GBGT1: variants seen among roughly 807,000 people sequenced by gnomAD.
The protein encoded by GBGT1 is globoside alpha-1,3-N-acetylgalactosaminyltransferase 1.
In GBGT1, 18 loss-of-function variants were observed where a neutral mutation model predicts 20.9. The observed-to-expected ratio is 0.86, with a 90% CI of 0.60 to 1.28. GBGT1 has a LOEUF of 1.28. Ranked by LOEUF, GBGT1 falls within the 50% of genes most tolerant of loss-of-function variation. The probability of loss-of-function intolerance (pLI) is 0.00; values close to 1 mark genes in which losing one functional copy is unlikely to be tolerated. For missense variants in GBGT1, 432 were observed against 455.7 expected (o/e 0.95, Z 0.47); for synonymous variants, 168 against 180.8 (o/e 0.93, Z 0.57).
intron 3 of GBGT1, chr9:133,160,354 A>G (rs1833002829): frequency 6.6e-6 from 1 of 151,994 alleles, no homozygotes; most frequent in East Asian, 1.9e-4. Context: ...CCCTCTCCCA[A>G]TCAGCAAGGT....
intron 3 of GBGT1, among the ~76,000 whole-genome samples, chr9:133,160,555 C>G (rs1371515229): frequency 1.3e-5 from 2 of 152,074 alleles, no homozygotes; most frequent in African/African-American, 4.8e-5. Context: ...GGGAACATAT[C>G]TGAACAAAAT....
intron 5 of GBGT1, 35 bp downstream of exon 5, chr9:133,155,866 C>T (rs1249191713): frequency 6.2e-7 from 1 of 1,610,346 alleles, no homozygotes; most frequent in Non-Finnish European, 8.5e-7. Context: ...TTGTCCTTTT[C>T]CCCCGCCCCC....
intron 3 of GBGT1, 78 bp from the exon 4 acceptor site, chr9:133,156,143 A>G: frequency 6.5e-7 from 1 of 1,542,908 alleles, no homozygotes; most frequent in Non-Finnish European, 8.8e-7. Flanking sequence ...AGGAGGAGTC[A>G]GAGGCCCCTG....
At position 133,154,064 on chromosome 9, in the gene GBGT1, G is replaced by T; in HGVS notation, c.557C>A (p.Thr186Asn). The stretch of plus-strand genomic sequence containing the variant: ...CCTCTTAGCAATGTGCTGGCTGATG[G>T]TCTCCATCCGGCGCATGGATGTCTC... ...WEETSMRRMETISQHIAKRAH... is the reference protein window; with the variant it reads ...WEETSMRRMENISQHIAKRAH... The change falls in exon 7 of 7, where the codon ACC becomes AAC. Residue 186 changes from threonine to asparagine, a missense_variant. Coordinates refer to ENST00000372040, the MANE Select transcript of GBGT1 (RefSeq NM_021996.6). This position sits in a 1 kb window ranked among gnomAD's most constrained non-coding sequence, Gnocchi z 4.2. 6.2e-7 allele frequency: 1 copy of T among 1,613,536 alleles called. No homozygotes were observed. The highest frequency in any genetic ancestry group is 8.5e-7 in the Non-Finnish European group (1 of 1,179,964).
At chr9:133,161,123 T>C in intron 3 of GBGT1, 1 of 400,480 alleles carries the variant, frequency 2.5e-6, no homozygotes, top group Non-Finnish European at 4.4e-6. Context: ...CTAAAAGCAC[T>C]GAACACAACC....
intron 2 of GBGT1, among the ~76,000 whole-genome samples, chr9:133,161,962 A>C (rs1416310925): frequency 1.3e-5 from 2 of 152,160 alleles, no homozygotes; most frequent in African/African-American, 4.8e-5. Context: ...TACAAGGCAG[A>C]ATTCAGAAGC....
At chr9:133,159,981 G>A (rs1832986025) in intron 3 of GBGT1, 1 of 152,408 alleles carries the variant, frequency 6.6e-6, no homozygotes, top group African/African-American at 2.5e-5. Context: ...AGTCTCACTA[G>A]TAATAATAAA....
chr9:133,155,755 A>T, intron 5 of GBGT1, 146 bp downstream of exon 5: 1 of 842,112 alleles, frequency 1.2e-6, no homozygotes, highest in Non-Finnish European at 1.9e-6. Flanking sequence ...CAGGTCCCTG[A>T]CTCCCAGCCC....
chr9:133,159,152 G>T (rs1390641232), intron 3 of GBGT1, among the ~76,000 whole-genome samples: 1 of 151,920 alleles, frequency 6.6e-6, no homozygotes, highest in Non-Finnish European at 1.5e-5. Context: ...TTAGAGATGG[G>T]GTTTCATCAT....
At position 133,153,766 on chromosome 9, in the gene GBGT1, C is replaced by T. The variant is rs375199786; in HGVS notation, c.855G>A (p.Ala285=). 3.8e-5 allele frequency: 61 copies of T among 1,610,130 alleles called. No individual in the cohort carries two copies. The highest frequency in any genetic ancestry group is 1.1e-4 in the South Asian group (10 of 90,390). ...CAGCCATGATGCCATTGGCCTTGTCCGCCAGGATGGCCATGTGGCAGCCCC... is the reference window on the plus strand; with the variant it reads ...CAGCCATGATGCCATTGGCCTTGTCTGCCAGGATGGCCATGTGGCAGCCCC... ...FTRGCHMAIL[A]DKANGIMAAW... is the part of the protein sequence containing the mutation. The change falls in exon 7 of 7, where the codon GCG becomes GCA. Residue 285 remains alanine, a synonymous_variant. Coordinates refer to ENST00000372040, the MANE Select transcript of GBGT1 (RefSeq NM_021996.6).
intron 3 of GBGT1, among the ~76,000 whole-genome samples, chr9:133,157,287 CAAAAA>C (rs71503325): frequency 3.9e-5 from 3 of 77,896 alleles, no homozygotes; most frequent in African/African-American, 4.7e-5. Flanking sequence ...GACCCTGTCT[CAAAAA>C]AAAAAAAAAA....
chr9:133,155,414 C>T, intron 5 of GBGT1, 102 bp from the exon 6 acceptor site: 1 of 1,396,798 alleles, frequency 7.2e-7, no homozygotes, highest in Middle Eastern at 2.4e-4. Context: ...GCAGCTTCGT[C>T]CCCATCTCTG....
rs1470354888 is a variant in GBGT1, at chr9:133,154,137, G to A, written c.484C>T (p.His162Tyr). 1.9e-6 allele frequency: 3 copies of A among 1,603,774 alleles called. No individual in the cohort carries two copies. The highest frequency in any genetic ancestry group is 2.6e-6 in the Non-Finnish European group (3 of 1,172,146). ...AAVPGVPLGPHRLLSSIPIQG... is the reference protein window; with the variant it reads ...AAVPGVPLGPYRLLSSIPIQG... ...ATGGGGATGGAGCTGAGAAGCCGGT[G>A]GGGACCCAGCGGGACCCCGGGAACG... The change falls in exon 7 of 7, where the codon CAC (histidine) becomes TAC (tyrosine). Residue 162 changes from histidine (H) to tyrosine (Y), a missense_variant. By Grantham distance (83) the His-to-Tyr change is moderately conservative. Transcript: ENST00000372040. This position sits in a 1 kb window ranked among gnomAD's most constrained non-coding sequence, Gnocchi z 4.2.
intron 3 of GBGT1, among the ~76,000 whole-genome samples, chr9:133,159,846 A>G (rs1219518826): frequency 4.6e-5 from 7 of 152,240 alleles, no homozygotes; most frequent in Non-Finnish European, 8.8e-5. Flanking sequence ...GAAAAAAAAA[A>G]GTTGTAGGTA....
In GBGT1 at chr9:133,154,385, C is replaced by T. The variant is rs1459003457; in HGVS notation, c.360-124G>A. Reference sequence around the variant, plus strand: ...CCCCATCTCAAGATGTCACTCTGCTCTGGCCCTCTGGGTCCTCATTTGTCC... The same window carrying T: ...CCCCATCTCAAGATGTCACTCTGCTTTGGCCCTCTGGGTCCTCATTTGTCC... On this transcript the variant is annotated intron_variant, in intron 6 of 6. Transcript: ENST00000372040. The surrounding 1 kb of genome is among the most constrained non-coding windows in gnomAD (Gnocchi z 4.2). The T allele has an allele frequency of 3.6e-6, 2 of 549,308 alleles. No individual in the cohort carries two copies. Among genetic ancestry groups the T allele is most frequent in the East Asian group, 5.8e-5 (2 of 34,570 alleles). 34.0% of individuals were successfully genotyped at this position (549,308 alleles called of 1,614,324 possible).
At chr9:133,155,959 A>G (rs2073927) in intron 4 of GBGT1, 23 bp from the exon 5 acceptor site, 813,742 of 1,612,944 alleles carry the variant, frequency 0.5, 209,501 homozygotes, top group African/African-American at 0.75. Flanking sequence ...AGGACCAGTG[A>G]TGGAGGAGAG....
At position 133,163,884 on chromosome 9, in the gene GBGT1, G is replaced by A. The variant is rs1432261862; in HGVS notation, c.-251C>T. On this transcript the variant is annotated 5_prime_UTR_variant, in exon 1 of 7. Transcript: ENST00000372040. The stretch of plus-strand genomic sequence containing the variant: ...GCAGGTGGAGCCTGGAGCAGGGCAG[G>A]CAGCGGGGCCGCGGGCCAGACAGAA... The A allele has an allele frequency of 1.3e-5, 2 of 152,568 alleles. No homozygotes were observed. Among genetic ancestry groups the A allele is most frequent in the Admixed American group, 1.3e-4 (2 of 15,294 alleles). 9.5% of individuals were successfully genotyped at this position (152,568 alleles called of 1,614,324 possible).
Position 133,155,109 on chromosome 9 carries a change from G to A in GBGT1, c.359+69C>T, listed in dbSNP as rs34111804. 782 of 1,450,780 alleles carry A rather than the reference G, an allele frequency of 5.4e-4. 1 individual carries two copies. In the African/African-American group the frequency reaches 8.5e-3, roughly 16 times the overall value. 89.9% of individuals were successfully genotyped at this position (1,450,780 alleles called of 1,614,324 possible). On this transcript the variant is annotated intron_variant, in intron 6 of 6. Coordinates refer to ENST00000372040, the MANE Select transcript of GBGT1 (RefSeq NM_021996.6). The stretch of plus-strand genomic sequence containing the variant: ...GGGTCCTGTGTGCACGTCTGGTCTG[G>A]TCTCTTCCCAACTATAAACTCCTGT...
Position 133,155,067 on chromosome 9 carries a change from C to T in GBGT1, c.359+111G>A, listed in dbSNP as rs528676328. ...ATCTGCTTGGCACCTGGTTCCGAGCCTCCCGGGTGCCCAGCAGGGTCCTGT... is the reference window on the plus strand; with the variant it reads ...ATCTGCTTGGCACCTGGTTCCGAGCTTCCCGGGTGCCCAGCAGGGTCCTGT... On this transcript the variant is annotated intron_variant, in intron 6 of 6. Coordinates refer to ENST00000372040, the MANE Select transcript of GBGT1 (RefSeq NM_021996.6). 4.1e-6 allele frequency: 4 copies of T among 967,112 alleles called. No homozygotes were observed. In the South Asian group the frequency reaches 6.0e-5, roughly 15 times the overall value. The allele number at this position is 967,112 out of a possible 1,614,324, so 59.9% of individuals were successfully genotyped here.
Sources: allele counts gnomAD v4.1 joint callset (sites outside exome capture counted in the v4.1 genomes callset), GRCh38; gene constraint gnomAD v4.1.1; non-coding constraint Gnocchi (gnomAD v3.1); transcripts MANE v1.5; gene names NCBI Gene and HGNC (gene_info 2026-07-23, HGNC 2026-07-21).